Variants in SPECC1 observed in about 807,000 individuals in gnomAD.
SPECC1 encodes cytospin-B.
In SPECC1, 62 loss-of-function variants were observed where a neutral mutation model predicts 104.1. The observed-to-expected ratio is 0.60, with a 90% confidence interval of 0.49 to 0.74. SPECC1 has a LOEUF of 0.74. Ranked by LOEUF, SPECC1 falls within the 30% of genes least tolerant of loss-of-function variation. The pLI is 0.00. For missense variants in SPECC1, 1,306 were observed against 1,310.5 expected (o/e 1.00, Z 0.05); for synonymous variants, 513 against 501.6 (o/e 1.02, Z -0.30).
intron 1 of SPECC1, among the ~76,000 whole-genome samples, chr17:20,088,457 G>A (rs767837549): frequency 2.0e-5 from 3 of 152,172 alleles, no homozygotes; most frequent in Admixed American, 6.5e-5. Flanking sequence ...CAAGGGGTGG[G>A]CAGTGGTCAC....
Position 20,297,087 on chromosome 17 carries a change from G to A in SPECC1, c.3057+10G>A. 1.2e-6 allele frequency: 2 copies of A among 1,610,198 alleles called. No individual in the cohort carries two copies. The highest frequency in any genetic ancestry group is 2.2e-5 in the South Asian group (2 of 90,794). On this transcript the variant is annotated intron_variant, in intron 13 of 14. Transcript: ENST00000395527. ...GAATAGTCAGGAGAAAGTAAGTCAT[G>A]GCCCTGTCACCTTGGTTATCCTCTA...
In SPECC1 at chr17:20,088,605, C is replaced by G. The variant is rs2047273197; in HGVS notation, c.-21-8026C>G. On this transcript the variant is annotated intron_variant, in intron 1 of 14. Transcript: ENST00000395527. ...GATAAAACATTCATACAGGGAGGCC[C>G]TCAGATTGGTGAATACCCCAAGATG... Among the ~76,000 whole-genome samples the G allele has an allele frequency of 2.0e-5, 3 of 152,144 alleles. No individual in the cohort carries two copies. The South Asian group carries it at 6.2e-4, about 32-fold the overall frequency.
intron 1 of SPECC1, among the ~76,000 whole-genome samples, chr17:20,091,091 T>C (rs532529589): frequency 6.6e-5 from 10 of 152,180 alleles, no homozygotes; most frequent in Admixed American, 2.6e-4. Flanking sequence ...TTATCACTTC[T>C]TTTTTTCCAG....
In SPECC1 at chr17:20,227,558, A is replaced by G; in HGVS notation, c.2009A>G (p.Asp670Gly). The change falls in exon 5 of 15, where the codon GAT becomes GGT. Residue 670 changes from aspartate (D) to glycine (G), a missense_variant. This residue lies in a region of SPECC1 where 1,177 missense variants were observed against 1,139.9 expected (regional missense o/e 1.03). Coordinates refer to ENST00000395527, the MANE Select transcript of SPECC1 (RefSeq NM_001243439.2). ...AAAGAAACCATATTTGAATTGGAAG[A>G]TCAGGTGGAACAGCACCGGGCTGTC... ...DMKETIFELE[D>G]QVEQHRAVKL... 6.2e-7 allele frequency: 1 copy of G among 1,612,624 alleles called. No homozygotes were observed. Among genetic ancestry groups the G allele is most frequent in the South Asian group, 1.1e-5 (1 of 90,938 alleles).
At chr17:20,307,844 A>C (rs1368754062) in intron 14 of SPECC1, among the ~76,000 whole-genome samples, 1 of 152,222 alleles carries the variant, frequency 6.6e-6, no homozygotes, top group Non-Finnish European at 1.5e-5. Context: ...CAGATTCTTT[A>C]TTTATCTCAA....
Position 20,151,275 on chromosome 17 carries a change from C to T in SPECC1, c.283+40713C>T, listed in dbSNP as rs1484842388. On this transcript the variant is annotated intron_variant, in intron 3 of 14. Transcript: ENST00000395527. Reference sequence around the variant, plus strand: ...ACCAGGCTAGTGATATGTGGAGCTACACTTTTTTGTGATGCTGGGCAGTGG... The same window carrying T: ...ACCAGGCTAGTGATATGTGGAGCTATACTTTTTTGTGATGCTGGGCAGTGG... Among the ~76,000 whole-genome samples the T allele has an allele frequency of 2.0e-5, 3 of 152,092 alleles. No individual in the cohort carries two copies. In the East Asian group the frequency reaches 5.8e-4, roughly 30 times the overall value.
intron 3 of SPECC1, among the ~76,000 whole-genome samples, chr17:20,202,876 A>C (rs538323091): frequency 4.6e-5 from 7 of 152,230 alleles, no homozygotes; most frequent in Non-Finnish European, 7.3e-5. Context: ...TAATTTGAAG[A>C]AGTTAATTTA....
At chr17:20,058,960 C>A (rs111707756) in intron 1 of SPECC1, among the ~76,000 whole-genome samples, 10,623 of 151,022 alleles carry the variant, frequency 0.07, 400 homozygotes, top group Non-Finnish European at 0.08. Context: ...CTGCCTCAGC[C>A]TCTCGAGTAG....
intron 8 of SPECC1, 51 bp downstream of exon 8, chr17:20,246,122 C>G (rs545173328): frequency 2.5e-6 from 4 of 1,602,038 alleles, no homozygotes; most frequent in Non-Finnish European, 8.5e-7. Flanking sequence ...AACTTTGGCC[C>G]GACATTTGAT....
intron 7 of SPECC1, among the ~76,000 whole-genome samples, chr17:20,241,317 C>T (rs2039190642): frequency 6.6e-6 from 1 of 152,174 alleles, no homozygotes; most frequent in Non-Finnish European, 1.5e-5. Flanking sequence ...TATCCTGCCC[C>T]TTGTCACTAC....
At chr17:20,023,905 T>TA (rs1199792766) in intron 1 of SPECC1, among the ~76,000 whole-genome samples, 2 of 151,866 alleles carry the variant, frequency 1.3e-5, no homozygotes, top group African/African-American at 4.8e-5. Flanking sequence ...TTGGAAATTT[T>TA]AAAAAAATGA....
At chr17:20,241,791 C>T (rs2039215830) in intron 7 of SPECC1, among the ~76,000 whole-genome samples, 1 of 152,128 alleles carries the variant, frequency 6.6e-6, no homozygotes, top group South Asian at 2.1e-4. Context: ...TAATTTCTGT[C>T]TTCAAATAGA....
At chr17:20,281,173 C>T (rs1053152702) in intron 12 of SPECC1, among the ~76,000 whole-genome samples, 4 of 152,190 alleles carry the variant, frequency 2.6e-5, no homozygotes, top group Admixed American at 2.6e-4. Context: ...GGGAACTCAA[C>T]TCTGGCCCAT....
chr17:20,225,867 C>T (rs573771248), intron 4 of SPECC1, among the ~76,000 whole-genome samples: 1 of 152,300 alleles, frequency 6.6e-6, no homozygotes, highest in East Asian at 1.9e-4. Context: ...CTCCTCCTTT[C>T]CTTATCCTTT....
chr17:20,085,767 C>T (rs1230853498), intron 1 of SPECC1, among the ~76,000 whole-genome samples: 1 of 151,758 alleles, frequency 6.6e-6, no homozygotes, highest in Non-Finnish European at 1.5e-5. Context: ...TAAGGAAATC[C>T]AGAACTCACG....
intron 3 of SPECC1, among the ~76,000 whole-genome samples, chr17:20,119,550 A>G (rs925630352): frequency 6.6e-6 from 1 of 152,208 alleles, no homozygotes; most frequent in African/African-American, 2.4e-5. Context: ...TTATTTTTAA[A>G]TGTCAGTAGT....
chr17:20,038,364 T>C (rs1232786345), intron 1 of SPECC1, among the ~76,000 whole-genome samples: 1 of 149,998 alleles, frequency 6.7e-6, no homozygotes, highest in Non-Finnish European at 1.5e-5. Context: ...AATTTCCCTC[T>C]CAGCATTGCT....
chr17:20,180,856 A>C (rs2034832171), intron 3 of SPECC1, among the ~76,000 whole-genome samples: 1 of 152,210 alleles, frequency 6.6e-6, no homozygotes, highest in South Asian at 2.1e-4. Flanking sequence ...GAAAATGTAC[A>C]GGGAATGTAC....
intron 1 of SPECC1, among the ~76,000 whole-genome samples, chr17:20,088,494 G>T (rs1030542133): frequency 6.6e-5 from 10 of 152,106 alleles, no homozygotes; most frequent in African/African-American, 2.4e-4. Context: ...GAAGAGAGAC[G>T]ATTTTCTGGA....
Sources: gnomAD v4.1 joint callset for allele counts (sites outside exome capture counted in the v4.1 genomes callset) on GRCh38, gnomAD v4.1.1 for gene constraint, gnomAD v4.1.1 regional missense constraint, MANE v1.5 for transcripts, NCBI Gene and HGNC (gene_info 2026-07-23, HGNC 2026-07-21) for gene names.